Variants in FYN observed in about 807,000 individuals in gnomAD.
FYN encodes tyrosine-protein kinase Fyn.
FYN carries 10 observed loss-of-function variants against 70.2 expected under a neutral mutation model. The observed-to-expected ratio is 0.14, with a 90% CI of 0.09 to 0.24. The LOEUF (loss-of-function observed/expected upper bound fraction) is 0.24, where lower values mean the gene tolerates loss of function less well. Ranked by LOEUF, FYN falls within the 10% of genes least tolerant of loss-of-function variation. FYN has a pLI of 1.00. For missense variants in FYN, 319 were observed against 673.1 expected (o/e 0.47, Z 5.82); for synonymous variants, 236 against 248.6 (o/e 0.95, Z 0.48).
At chr6:111,687,462 A>T (rs1799056155) in intron 12 of FYN, among the ~76,000 whole-genome samples, 2 of 152,200 alleles carry the variant, frequency 1.3e-5, no homozygotes, top group African/African-American at 4.8e-5. Flanking sequence ...AACTTAAAAA[A>T]CAAACCAACC....
At position 111,832,365 on chromosome 6, in the gene FYN, T is replaced by C. The variant is rs114564407; in HGVS notation, c.-82+14224A>G. Among the ~76,000 whole-genome samples, 282 of 152,342 alleles carry C rather than the reference T, an allele frequency of 1.9e-3. 1 individual carries two copies. Among genetic ancestry groups the C allele is most frequent in the African/African-American group, 6.0e-3 (249 of 41,578 alleles). ...TAGCTGCTAATATACAGAAATGCAA[T>C]TGATTTGTCTATTGACCTTCTATCC... is the stretch of plus-strand genomic sequence containing the variant. On this transcript the variant is annotated intron_variant, in intron 2 of 13. Coordinates refer to ENST00000354650, the MANE Select transcript of FYN (RefSeq NM_002037.5).
chr6:111,795,644 T>C (rs1054678486), intron 2 of FYN, among the ~76,000 whole-genome samples: 10 of 152,198 alleles, frequency 6.6e-5, no homozygotes, highest in Non-Finnish European at 1.3e-4. Flanking sequence ...ACATGTTTGG[T>C]AGCAAAATCA....
In FYN at chr6:111,694,288, A is replaced by T; in HGVS notation, c.1273+87T>A. On this transcript the variant is annotated intron_variant, in intron 12 of 13. Coordinates refer to ENST00000354650, the MANE Select transcript of FYN (RefSeq NM_002037.5). This position sits in a 1 kb window ranked among gnomAD's most constrained non-coding sequence, Gnocchi z 5.0. Reference sequence around the variant, plus strand: ...GACATTTCAAGTATTTTCTGAAGGAAGGGAAGGGAAGGAGGAAGGAAGGGC... The same window carrying T: ...GACATTTCAAGTATTTTCTGAAGGATGGGAAGGGAAGGAGGAAGGAAGGGC... 6.7e-7 allele frequency: 1 copy of T among 1,483,640 alleles called. No homozygotes were observed. The highest frequency in any genetic ancestry group is 9.3e-7 in the Non-Finnish European group (1 of 1,078,482). 91.9% of individuals were successfully genotyped at this position (1,483,640 alleles called of 1,614,324 possible). A position where few individuals can be genotyped will look rare whatever the true frequency, so the allele number is the denominator to read the frequency against.
intron 9 of FYN, chr6:111,696,750 C>T (rs1799592610): frequency 7.6e-6 from 2 of 263,112 alleles, no homozygotes; most frequent in South Asian, 5.5e-5. Context: ...TATGATTACA[C>T]ATTTATACCA....
intron 3 of FYN, among the ~76,000 whole-genome samples, chr6:111,733,520 G>C (rs1028772678): frequency 6.6e-6 from 1 of 152,234 alleles, no homozygotes; most frequent in African/African-American, 2.4e-5. Flanking sequence ...GAGAAGGTCT[G>C]TAAGCAGTGC....
chr6:111,726,015 C>G (rs892486073), intron 3 of FYN, among the ~76,000 whole-genome samples: 1 of 152,166 alleles, frequency 6.6e-6, no homozygotes. Context: ...TTCTCCACAG[C>G]TGCCTTTAAA....
chr6:111,827,811 T>C (rs1772886813), intron 2 of FYN, among the ~76,000 whole-genome samples: 2 of 152,144 alleles, frequency 1.3e-5, no homozygotes, highest in African/African-American at 4.8e-5. Flanking sequence ...CATTTAGATT[T>C]TGACTAAGGG....
At chr6:111,705,093 T>C (rs944747078) in intron 6 of FYN, among the ~76,000 whole-genome samples, 3 of 151,926 alleles carry the variant, frequency 2.0e-5, no homozygotes, top group Non-Finnish European at 4.4e-5. Context: ...AACAAAACTC[T>C]TGAATCTCTT....
At chr6:111,867,181 C>T in intron 1 of FYN, among the ~76,000 whole-genome samples, 1 of 152,096 alleles carries the variant, frequency 6.6e-6, no homozygotes, top group Non-Finnish European at 1.5e-5. Context: ...ATATTCAAGA[C>T]CTAGTCCTGG....
chr6:111,699,874 T>C (rs1333385118), intron 9 of FYN: 4 of 643,758 alleles, frequency 6.2e-6, no homozygotes, highest in African/African-American at 3.7e-5. Flanking sequence ...CATGTAATAG[T>C]ACAACTTGAG....
At chr6:111,801,647 AG>A (rs1771989108) in intron 2 of FYN, among the ~76,000 whole-genome samples, 2 of 152,232 alleles carry the variant, frequency 1.3e-5, no homozygotes, top group South Asian at 4.1e-4. Flanking sequence ...AGATCCTACT[AG>A]AAAAACATAA....
intron 3 of FYN, among the ~76,000 whole-genome samples, chr6:111,776,633 T>C (rs1266022189): frequency 3.9e-5 from 6 of 152,196 alleles, no homozygotes; most frequent in Admixed American, 2.6e-4. Context: ...AATATTTATG[T>C]CCACAAGCAC....
intron 3 of FYN, among the ~76,000 whole-genome samples, chr6:111,731,685 A>G (rs1801463443): frequency 6.6e-6 from 1 of 152,224 alleles, no homozygotes; most frequent in African/African-American, 2.4e-5. Flanking sequence ...GTCAGAAAGC[A>G]TAGTCTATCT....
chr6:111,760,492 AC>A (rs1802954925), intron 3 of FYN, among the ~76,000 whole-genome samples: 2 of 152,328 alleles, frequency 1.3e-5, no homozygotes, highest in South Asian at 4.1e-4. Context: ...ACATCTAAAA[AC>A]AAATTTAATG....
At chr6:111,759,615 C>T (rs918447557) in intron 3 of FYN, among the ~76,000 whole-genome samples, 2 of 152,156 alleles carry the variant, frequency 1.3e-5, no homozygotes, top group Non-Finnish European at 2.9e-5. Context: ...GGGTTCTTGC[C>T]CTTCAGGACT....
chr6:111,702,716 A>G (rs1799898123), intron 8 of FYN, 169 bp downstream of exon 8: 2 of 492,298 alleles, frequency 4.1e-6, no homozygotes. Context: ...GTAGAACAAT[A>G]GCAATAGAAC....
At chr6:111,829,255 G>A (rs2114403006) in intron 2 of FYN, among the ~76,000 whole-genome samples, 1 of 152,290 alleles carries the variant, frequency 6.6e-6, no homozygotes, top group East Asian at 1.9e-4. Context: ...ATCCTCAACT[G>A]TGTCACTCAT....
chr6:111,757,731 T>C (rs141423125), intron 3 of FYN, among the ~76,000 whole-genome samples: 1 of 152,314 alleles, frequency 6.6e-6, no homozygotes, highest in East Asian at 1.9e-4. Flanking sequence ...ATGAAGATAA[T>C]AGGGAGAGTT....
In FYN at chr6:111,784,853, C is replaced by T. The variant is rs557573687; in HGVS notation, c.-81-4218G>A. ...CAGTTCACTTGGGAAGCCACCCATA[C>T]GTATTTTATACGTATCACTGGTACT... is the stretch of plus-strand genomic sequence containing the variant. On this transcript the variant is annotated intron_variant, in intron 2 of 13. Coordinates refer to ENST00000354650, the MANE Select transcript of FYN (RefSeq NM_002037.5). 7.9e-5 allele frequency among the ~76,000 whole-genome samples: 12 copies of T among 152,306 alleles called. No homozygotes were observed. In the South Asian group the frequency reaches 8.3e-4, roughly 11 times the overall value.
Sources: gnomAD v4.1 joint callset for allele counts (sites outside exome capture counted in the v4.1 genomes callset) on GRCh38, gnomAD v4.1.1 for gene constraint, Gnocchi (gnomAD v3.1) non-coding constraint, MANE v1.5 for transcripts, NCBI Gene and HGNC (gene_info 2026-07-23, HGNC 2026-07-21) for gene names.